Variants in CYTH1 observed in about 807,000 individuals in gnomAD.
CYTH1 encodes cytohesin 1, also known as cytohesin-1.
A neutral mutation model predicts 61.8 loss-of-function variants in CYTH1; 18 were observed. The ratio of observed to expected loss-of-function variants is 0.29; its 90% CI spans 0.20 to 0.43. The LOEUF (loss-of-function observed/expected upper bound fraction) is 0.43, where lower values mean the gene tolerates loss of function less well. Ranked by LOEUF, CYTH1 falls within the 20% of genes least tolerant of loss-of-function variation. The probability of loss-of-function intolerance (pLI) is 1.00; values close to 1 mark genes in which losing one functional copy is unlikely to be tolerated. For missense variants in CYTH1, 336 were observed against 510.5 expected (o/e 0.66, Z 3.29); for synonymous variants, 174 against 184.3 (o/e 0.94, Z 0.45).
chr17:78,781,198 C>A (rs1567891265), intron 1 of CYTH1, among the ~76,000 whole-genome samples: 1 of 148,336 alleles, frequency 6.7e-6, no homozygotes, highest in Admixed American at 6.6e-5. Flanking sequence ...AAAAATGTCC[C>A]ATTAGTTATT....
chr17:78,707,259 T>C (rs990907621), intron 3 of CYTH1, among the ~76,000 whole-genome samples: 1 of 152,152 alleles, frequency 6.6e-6, no homozygotes, highest in Non-Finnish European at 1.5e-5. Context: ...ACAGGAAGAC[T>C]TAGGCTTAGA....
chr17:78,777,755 G>C (rs1379520687), intron 1 of CYTH1, among the ~76,000 whole-genome samples: 1 of 151,566 alleles, frequency 6.6e-6, no homozygotes, highest in Non-Finnish European at 1.5e-5. Flanking sequence ...GGGAGGCTGA[G>C]GCGGGCAGAT....
rs556594633 is a variant in CYTH1 at position 78,765,025 on chromosome 17, C to T, written c.22+17177G>A. ...CAGGGGAAGTCTTGTCGAGAGAGTG[C>T]GGGAACTGAGCATGAGGTTATTTGG... On this transcript the variant is annotated intron_variant, in intron 1 of 13. Transcript: ENST00000446868. Among the ~76,000 whole-genome samples, 7 of 152,104 alleles carry T rather than the reference C, an allele frequency of 4.6e-5. No homozygotes were observed. In the East Asian group the frequency reaches 1.4e-3, roughly 29 times the overall value.
chr17:78,719,225 C>A (rs1012512647), intron 1 of CYTH1, among the ~76,000 whole-genome samples: 1 of 152,198 alleles, frequency 6.6e-6, no homozygotes, highest in East Asian at 1.9e-4. Flanking sequence ...CAAGTTACTT[C>A]GGCTATCTGT....
chr17:78,763,762 G>A (rs1213552764), intron 1 of CYTH1, among the ~76,000 whole-genome samples: 1 of 152,188 alleles, frequency 6.6e-6, no homozygotes, highest in Non-Finnish European at 1.5e-5. Flanking sequence ...CCATGGATAA[G>A]GGGGAAAGTA....
intron 12 of CYTH1, 48 bp from the exon 13 acceptor site, chr17:78,680,392 A>G (rs777961575): frequency 3.3e-5 from 51 of 1,554,160 alleles, no homozygotes; most frequent in Non-Finnish European, 4.3e-5. Flanking sequence ...GGAAGCTGTT[A>G]ACTGAGAAAC....
At chr17:78,729,997 A>T (rs1353930456) in intron 1 of CYTH1, among the ~76,000 whole-genome samples, 2 of 152,200 alleles carry the variant, frequency 1.3e-5, no homozygotes, top group African/African-American at 4.8e-5. Flanking sequence ...TTCAAAGAAA[A>T]TACAGAAATG....
chr17:78,728,783 C>T (rs138145688), intron 1 of CYTH1, among the ~76,000 whole-genome samples: 2 of 152,268 alleles, frequency 1.3e-5, no homozygotes, highest in East Asian at 3.9e-4. Context: ...CTGAAACACA[C>T]ACGTAGCACT....
At chr17:78,681,824 CA>C (rs2092766314) in intron 11 of CYTH1, among the ~76,000 whole-genome samples, 1 of 131,440 alleles carries the variant, frequency 7.6e-6, no homozygotes, top group Non-Finnish European at 1.6e-5. Flanking sequence ...GGTGACAGAG[CA>C]AGACTCTGTC....
intron 10 of CYTH1, among the ~76,000 whole-genome samples, chr17:78,695,494 T>C (rs2092929447): frequency 6.6e-6 from 1 of 152,212 alleles, no homozygotes; most frequent in Non-Finnish European, 1.5e-5. Flanking sequence ...CCTAGTTTGC[T>C]TTTCCATCAT....
chr17:78,757,293 G>A lies in CYTH1; in HGVS notation c.22+24909C>T, dbSNP rs529581323. 3.3e-5 allele frequency among the ~76,000 whole-genome samples: 5 copies of A among 152,010 alleles called. No individual in the cohort carries two copies. The South Asian group carries it at 1.0e-3, about 32-fold the overall frequency. On this transcript the variant is annotated intron_variant, in intron 1 of 13. Coordinates refer to ENST00000446868, the MANE Select transcript of CYTH1 (RefSeq NM_004762.6). ...ATAACTTAAGAAACCCTCATCCTTT[G>A]GGGGGATGACCGTGAGTGCAGTTTA...
chr17:78,729,734 T>C (rs748846561), intron 1 of CYTH1, among the ~76,000 whole-genome samples: 5 of 152,214 alleles, frequency 3.3e-5, no homozygotes, highest in Non-Finnish European at 7.3e-5. Flanking sequence ...GATTTGTAAA[T>C]GCTAACATGA....
rs532429542 is a variant in CYTH1, at chr17:78,711,547, T to C, written c.23-1815A>G. Among the ~76,000 whole-genome samples, 5 of 152,174 alleles carry C rather than the reference T, an allele frequency of 3.3e-5. No homozygotes were observed. The East Asian group carries it at 7.7e-4, about 24-fold the overall frequency. ...CTTGAGAGCACAGTTAGGATACACA[T>C]ACTTTCCTTCTGCCCATGGCATTAA... On this transcript the variant is annotated intron_variant, in intron 1 of 13. Coordinates refer to ENST00000446868, the MANE Select transcript of CYTH1 (RefSeq NM_004762.6).
At chr17:78,724,351 G>C (rs1328545297) in intron 1 of CYTH1, among the ~76,000 whole-genome samples, 1 of 152,166 alleles carries the variant, frequency 6.6e-6, no homozygotes, top group Non-Finnish European at 1.5e-5. Flanking sequence ...ACTAAGAAGG[G>C]AGGAGATATT....
Position 78,701,722 on chromosome 17 carries a change from G to A in CYTH1, c.386C>T (p.Ala129Val). ...RDEFNIQVLH[A>V]FVELHEFTDL... is the part of the protein sequence containing the mutation. The stretch of plus-strand genomic sequence containing the variant: ...AGTGAACTCATGCAGCTCCACAAAT[G>A]CATGAAGAACCTGGATATTAAACTC... Residue 129 changes from alanine to valine, a missense_variant, in exon 6 of 14, where the codon GCA (alanine) becomes GTA (valine). This residue lies in a region of CYTH1 where 125 missense variants were observed against 209.9 expected (regional missense o/e 0.60). Coordinates refer to ENST00000446868, the MANE Select transcript of CYTH1 (RefSeq NM_004762.6). The A allele has an allele frequency of 6.2e-7, 1 of 1,614,162 alleles. No individual in the cohort carries two copies. The highest frequency in any genetic ancestry group is 8.5e-7 in the Non-Finnish European group (1 of 1,180,032).
At chr17:78,715,314 G>A (rs2093171572) in intron 1 of CYTH1, among the ~76,000 whole-genome samples, 1 of 152,176 alleles carries the variant, frequency 6.6e-6, no homozygotes, top group Admixed American at 6.5e-5. Flanking sequence ...TCTCAGTCAA[G>A]TAGGAGGGTA....
chr17:78,694,987 C>T (rs957649621), intron 10 of CYTH1, among the ~76,000 whole-genome samples: 3 of 152,144 alleles, frequency 2.0e-5, no homozygotes, highest in Admixed American at 6.5e-5. Flanking sequence ...CACTGCACGG[C>T]TCCTCAGGCC....
At chr17:78,762,627 A>C (rs893046009) in intron 1 of CYTH1, among the ~76,000 whole-genome samples, 2 of 152,212 alleles carry the variant, frequency 1.3e-5, no homozygotes, top group Admixed American at 6.5e-5. Flanking sequence ...TACATCTCCT[A>C]ATCAGCCAAC....
At chr17:78,762,735 G>A (rs776120014) in intron 1 of CYTH1, among the ~76,000 whole-genome samples, 2 of 152,148 alleles carry the variant, frequency 1.3e-5, no homozygotes, top group Non-Finnish European at 2.9e-5. Flanking sequence ...AGTGATGAGA[G>A]GTGAGACTCA....
Sources: gnomAD v4.1 joint callset for allele counts (sites outside exome capture counted in the v4.1 genomes callset) on GRCh38, gnomAD v4.1.1 for gene constraint, gnomAD v4.1.1 regional missense constraint, MANE v1.5 for transcripts, NCBI Gene and HGNC (gene_info 2026-07-23, HGNC 2026-07-21) for gene names.